Variants in TSGA10 observed in about 807,000 individuals in gnomAD.
TSGA10 encodes the protein testis specific 10, also known as testis-specific gene 10 protein.
A neutral mutation model predicts 96.6 loss-of-function variants in TSGA10; 43 were observed. That is an observed-to-expected ratio of 0.44 (90% confidence interval 0.35 to 0.57). The LOEUF is 0.57. Among genes scored for constraint, TSGA10 ranks in the 20% least tolerant of loss-of-function variants. The pLI is 0.01. For synonymous variants in TSGA10, 229 were observed against 269.9 expected (o/e 0.85, Z 1.48); for missense variants, 703 against 834.4 (o/e 0.84, Z 1.94).
chr2:99,046,790 T>A (rs560783751), intron 16 of TSGA10, among the ~76,000 whole-genome samples: 2 of 152,266 alleles, frequency 1.3e-5, no homozygotes, highest in African/African-American at 4.8e-5. Flanking sequence ...AGGACCTGGT[T>A]TTTTGAAAAG....
At chr2:99,024,099 C>CTG (rs1553432183) in intron 17 of TSGA10, among the ~76,000 whole-genome samples, 1 of 147,640 alleles carries the variant, frequency 6.8e-6, no homozygotes, top group Non-Finnish European at 1.5e-5. Flanking sequence ...AAGTATTTGT[C>CTG]TTTTTTTTTT....
intron 17 of TSGA10, among the ~76,000 whole-genome samples, chr2:99,028,843 C>T (rs2080886394): frequency 6.6e-6 from 1 of 152,098 alleles, no homozygotes; most frequent in South Asian, 2.1e-4. Context: ...TTTGAAAGCT[C>T]GTTGGCTGTA....
intron 1 of TSGA10, among the ~76,000 whole-genome samples, chr2:99,142,696 T>C (rs1247658482): frequency 6.6e-6 from 1 of 152,230 alleles, no homozygotes; most frequent in Non-Finnish European, 1.5e-5. Context: ...ATGCACAAAA[T>C]AACAAACTGA....
intron 20 of TSGA10, among the ~76,000 whole-genome samples, chr2:99,000,385 T>C (rs969890346): frequency 2.6e-5 from 4 of 151,584 alleles, no homozygotes; most frequent in Admixed American, 2.6e-4. Flanking sequence ...GATGGACACC[T>C]GTAATCTCAC....
Position 99,117,759 on chromosome 2 carries a change from T to C in TSGA10, c.-355A>G, listed in dbSNP as rs1278377457. ...TGATTTGTCTGTTTGAGATCTTCAA[T>C]CTGTTATTATCAGAAAAAAAATCAC... is the stretch of plus-strand genomic sequence containing the variant. On this transcript the variant is annotated splice_region_variant and 5_prime_UTR_variant, in exon 4 of 21. Transcript: ENST00000393483. The C allele has an allele frequency of 9.1e-6, 9 of 984,274 alleles. No homozygotes were observed. The highest frequency in any genetic ancestry group is 1.1e-5 in the Non-Finnish European group (9 of 828,650). The allele number at this position is 984,274 out of a possible 1,614,324, so 61.0% of individuals were successfully genotyped here. A position where few individuals can be genotyped will look rare whatever the true frequency, so the allele number is the denominator to read the frequency against.
chr2:99,126,325 C>T (rs996197880), intron 2 of TSGA10: 3 of 152,224 alleles, frequency 2.0e-5, no homozygotes, highest in Admixed American at 6.5e-5. Context: ...TCCTTTTCTT[C>T]GGTCTTTCTT....
intron 13 of TSGA10, among the ~76,000 whole-genome samples, chr2:99,072,469 T>C (rs2086093092): frequency 6.6e-6 from 1 of 152,206 alleles, no homozygotes. Flanking sequence ...TTTCTTCATG[T>C]TCAGTATTTG....
intron 10 of TSGA10, 44 bp from the exon 11 acceptor site, chr2:99,081,441 T>C (rs2087485153): frequency 8.6e-7 from 1 of 1,164,840 alleles, no homozygotes; most frequent in South Asian, 1.6e-5. Context: ...AATTTTTGTT[T>C]TGTCATCTTG....
chr2:99,126,569 AAAAAG>A (rs1168697478), intron 2 of TSGA10: 1 of 152,656 alleles, frequency 6.6e-6, no homozygotes, highest in Non-Finnish European at 1.5e-5. Context: ...ATCTTCCTGG[AAAAAG>A]AAATCTCTTT....
chr2:99,042,410 A>T (rs2082286323), intron 16 of TSGA10, among the ~76,000 whole-genome samples: 1 of 152,080 alleles, frequency 6.6e-6, no homozygotes, highest in African/African-American at 2.4e-5. Flanking sequence ...TCCAGCAGAG[A>T]GGGCCCAGCA....
At chr2:99,055,547 T>G (rs2083884666) in intron 16 of TSGA10, among the ~76,000 whole-genome samples, 1 of 152,062 alleles carries the variant, frequency 6.6e-6, no homozygotes, top group African/African-American at 2.4e-5. Context: ...ATTTCACAAT[T>G]TATACATATA....
chr2:99,080,990 A>G (rs919950517), intron 11 of TSGA10, among the ~76,000 whole-genome samples: 6 of 152,152 alleles, frequency 3.9e-5, no homozygotes, highest in African/African-American at 1.4e-4. Context: ...ACAAGCTACA[A>G]TATTACACAA....
chr2:99,112,801 TG>T (rs1054291370), intron 4 of TSGA10, among the ~76,000 whole-genome samples: 1 of 148,618 alleles, frequency 6.7e-6, no homozygotes, highest in Non-Finnish European at 1.5e-5. Context: ...AATGTGGGGA[TG>T]GGTATTTCAG....
At chr2:99,019,421 G>A (rs1488022443) in intron 18 of TSGA10, among the ~76,000 whole-genome samples, 1 of 152,134 alleles carries the variant, frequency 6.6e-6, no homozygotes, top group Non-Finnish European at 1.5e-5. Context: ...AAAACCTGTT[G>A]AAGGAATCAT....
At chr2:99,024,253 C>T (rs1212215144) in intron 17 of TSGA10, among the ~76,000 whole-genome samples, 1 of 152,084 alleles carries the variant, frequency 6.6e-6, no homozygotes, top group Non-Finnish European at 1.5e-5. Context: ...TCACACCCAG[C>T]TAATTTTTGT....
intron 7 of TSGA10, among the ~76,000 whole-genome samples, chr2:99,107,634 T>C (rs1559040743): frequency 6.6e-6 from 1 of 152,138 alleles, no homozygotes; most frequent in African/African-American, 2.4e-5. Context: ...TTTTAAATGG[T>C]TGGGGAAAAT....
Position 99,127,827 on chromosome 2 carries a change from T to C in TSGA10, c.-620-651A>G, listed in dbSNP as rs531622785. Among the ~76,000 whole-genome samples, 69 of 152,310 alleles carry C rather than the reference T, an allele frequency of 4.5e-4. 1 individual carries two copies. The South Asian group carries it at 0.014, about 31-fold the overall frequency. On this transcript the variant is annotated intron_variant, in intron 1 of 20. Transcript: ENST00000393483. ...ATACAATATTTATGGAGAACAATGGTATAAAATCTATCAACATGACAAATG... is the reference window on the plus strand; with the variant it reads ...ATACAATATTTATGGAGAACAATGGCATAAAATCTATCAACATGACAAATG...
rs565386015 is a variant in TSGA10 at position 99,045,793 on chromosome 2, T to A, written c.1405-10354A>T. On this transcript the variant is annotated intron_variant, in intron 16 of 20. Coordinates refer to ENST00000393483, the MANE Select transcript of TSGA10 (RefSeq NM_025244.4). ...AATTAAAAGACACAGACTGGCAAAT[T>A]TGATAGAGTCAAGACCCATCAGTGT... Among the ~76,000 whole-genome samples the A allele has an allele frequency of 1.0e-3, 156 of 152,314 alleles. 1 individual carries two copies. The highest frequency in any genetic ancestry group is 1.8e-3 in the Non-Finnish European group (121 of 68,028).
At chr2:99,067,409 G>A (rs748818438) in intron 15 of TSGA10, among the ~76,000 whole-genome samples, 4 of 152,238 alleles carry the variant, frequency 2.6e-5, no homozygotes, top group Non-Finnish European at 5.9e-5. Context: ...AGGATCACTT[G>A]AGCCTAAGAA....
Sources: allele counts gnomAD v4.1 joint callset (sites outside exome capture counted in the v4.1 genomes callset), GRCh38; gene constraint gnomAD v4.1.1; transcripts MANE v1.5; gene names NCBI Gene and HGNC (gene_info 2026-07-23, HGNC 2026-07-21).